Variants in SHROOM3 observed in about 807,000 individuals in gnomAD.
SHROOM3 encodes the protein protein Shroom3.
A neutral mutation model predicts 138.6 loss-of-function variants in SHROOM3; 47 were observed. The ratio of observed to expected loss-of-function variants is 0.34; its 90% confidence interval spans 0.27 to 0.43. The LOEUF (loss-of-function observed/expected upper bound fraction) is 0.43, where lower values mean the gene tolerates loss of function less well. Among genes scored for constraint, SHROOM3 ranks in the 20% least tolerant of loss-of-function variants. The probability of loss-of-function intolerance (pLI) is 1.00; values close to 1 mark genes in which losing one functional copy is unlikely to be tolerated. For synonymous variants in SHROOM3, 1,062 were observed against 1,063.3 expected, an observed-to-expected ratio of 1.00 and a Z score of 0.02; for missense variants, 2,491 against 2,596.5, an observed-to-expected ratio of 0.96 and a Z score of 0.88.
chr4:76,617,657 T>C (rs1734911943), intron 2 of SHROOM3, among the ~76,000 whole-genome samples: 1 of 152,228 alleles, frequency 6.6e-6, no homozygotes. Flanking sequence ...TTTTGGTTTG[T>C]TATTAAAGTT....
In SHROOM3 at chr4:76,608,643, TAGCATAGCATAGCATAGCATAGCAC is replaced by T. The variant is rs1260269524; in HGVS notation, c.323+52890_323+52914del. ...AGAGATGGTATAGCATAGCATAGCA[TAGCATAGCATAGCATAGCATAGCAC>T]AGCATAGCACAGCACAGCACAGCAC... On this transcript the variant is annotated intron_variant, in intron 2 of 10. Transcript: ENST00000296043. Among the ~76,000 whole-genome samples, 9 of 18,388 alleles carry T rather than the reference TAGCATAGCATAGCATAGCATAGCAC, an allele frequency of 4.9e-4. 1 individual carries two copies. Among genetic ancestry groups the T allele is most frequent in the South Asian group, 9.6e-3 (2 of 208 alleles). 12.1% of individuals were successfully genotyped at this position (18,388 alleles called of 152,430 possible).
rs1477523828 is a variant in SHROOM3 at position 76,664,806 on chromosome 4, T to C, written c.324-45350T>C. Among the ~76,000 whole-genome samples the C allele has an allele frequency of 6.6e-6, 1 of 152,178 alleles. No individual in the cohort carries two copies. Among genetic ancestry groups the C allele is most frequent in the Non-Finnish European group, 1.5e-5 (1 of 68,026 alleles). On this transcript the variant is annotated intron_variant, in intron 2 of 10. Coordinates refer to ENST00000296043, the MANE Select transcript of SHROOM3 (RefSeq NM_020859.4). The surrounding 1 kb of genome is among the most constrained non-coding windows in gnomAD (Gnocchi z 4.2). ...TGCAAAACTGAAACTCTATACACACTAAAAACTCCATTTCCCTCTTCCACA... is the reference window on the plus strand; with the variant it reads ...TGCAAAACTGAAACTCTATACACACCAAAAACTCCATTTCCCTCTTCCACA...
At chr4:76,707,415 T>C (rs1720089137) in intron 2 of SHROOM3, among the ~76,000 whole-genome samples, 1 of 152,204 alleles carries the variant, frequency 6.6e-6, no homozygotes, top group African/African-American at 2.4e-5. Flanking sequence ...CATAAAAAAG[T>C]TGTGGGAATA....
intron 1 of SHROOM3, among the ~76,000 whole-genome samples, chr4:76,483,451 C>T (rs1049961102): frequency 1.3e-5 from 2 of 152,152 alleles, no homozygotes; most frequent in South Asian, 2.1e-4. Flanking sequence ...AATGAGATAC[C>T]GTGTCATGCC....
chr4:76,759,717 C>T (rs1250542432), intron 9 of SHROOM3, 22 bp downstream of exon 9: 3 of 1,608,452 alleles, frequency 1.9e-6, no homozygotes, highest in Admixed American at 1.7e-5. Context: ...ATGGGATGCC[C>T]TTGTTCAGCT....
chr4:76,630,120 T>G (rs1212500750), intron 2 of SHROOM3, among the ~76,000 whole-genome samples: 1 of 152,164 alleles, frequency 6.6e-6, no homozygotes, highest in Non-Finnish European at 1.5e-5. Context: ...TTAGTTTCAT[T>G]GTTTTGTATT....
intron 1 of SHROOM3, among the ~76,000 whole-genome samples, chr4:76,446,579 A>T (rs566060476): frequency 2.2e-4 from 33 of 152,296 alleles, no homozygotes; most frequent in African/African-American, 7.7e-4. Flanking sequence ...AGGCCATGAA[A>T]AAACCTCAAC....
chr4:76,670,708 C>T lies in SHROOM3; in HGVS notation c.324-39448C>T, dbSNP rs140078257. On this transcript the variant is annotated intron_variant, in intron 2 of 10. Coordinates refer to ENST00000296043, the MANE Select transcript of SHROOM3 (RefSeq NM_020859.4). ...GTGGCACATGCCTGTAATCCTAGCA[C>T]TTTGGGAGGCCAAGGCGGGTGGATC... Among the ~76,000 whole-genome samples the T allele has an allele frequency of 6.8e-3, 1,029 of 152,286 alleles. 7 individuals are homozygous for T. The highest frequency in any genetic ancestry group is 0.023 in the African/African-American group (962 of 41,542).
intron 2 of SHROOM3, among the ~76,000 whole-genome samples, chr4:76,661,475 C>A (rs1429863174): frequency 1.3e-5 from 2 of 152,096 alleles, no homozygotes; most frequent in African/African-American, 4.8e-5. Context: ...CATGATCCGC[C>A]CACCTCGGCC....
chr4:76,523,764 G>A (rs559713521), intron 1 of SHROOM3, among the ~76,000 whole-genome samples: 5 of 152,274 alleles, frequency 3.3e-5, no homozygotes, highest in Admixed American at 6.5e-5. Context: ...AGTGACAGCC[G>A]GTTGAACAGA....
chr4:76,493,603 C>A (rs1731900981), intron 1 of SHROOM3, among the ~76,000 whole-genome samples: 1 of 152,148 alleles, frequency 6.6e-6, no homozygotes, highest in Admixed American at 6.5e-5. Context: ...AGGACGAGAA[C>A]CCTCCCTCCT....
chr4:76,707,984 C>T (rs1199774263), intron 2 of SHROOM3, among the ~76,000 whole-genome samples: 1 of 151,946 alleles, frequency 6.6e-6, no homozygotes, highest in Non-Finnish European at 1.5e-5. Context: ...GCCAACCCAT[C>T]CAGGGCAGGA....
In SHROOM3 at chr4:76,755,186, G is replaced by A. The variant is rs1404367795; in HGVS notation, c.4703G>A (p.Arg1568His). The A allele has an allele frequency of 9.3e-6, 15 of 1,613,348 alleles. No individual in the cohort carries two copies. Among genetic ancestry groups the A allele is most frequent in the South Asian group, 4.4e-5 (4 of 90,960 alleles). Residue 1568 changes from arginine (R) to histidine (H), a missense_variant, in exon 7 of 11, where the codon CGC (arginine) becomes CAC (histidine). By Grantham distance (29) the Arg-to-His change is conservative (BLOSUM62 0). Around this residue, in one of 4 missense-constraint regions of SHROOM3, gnomAD observed 470 missense variants for 595.0 expected, o/e 0.79. Coordinates refer to ENST00000296043, the MANE Select transcript of SHROOM3 (RefSeq NM_020859.4). ...GACAGTGAGGATCCCGAGGGGCCAC[G>A]CCCCAGGTGAGTGAGCAGACTGGGC... ...QLDSEDPEGP[R>H]PSFNKLSKVT...
In SHROOM3 at chr4:76,618,035, C is replaced by A. The variant is rs534754152; in HGVS notation, c.323+62272C>A. On this transcript the variant is annotated intron_variant, in intron 2 of 10. Transcript: ENST00000296043. Reference sequence around the variant, plus strand: ...ATAAGTGTGGCTGGGCGCAGTGGCTCACGCCTGTAATCCCAACACTTTGGG... The same window carrying A: ...ATAAGTGTGGCTGGGCGCAGTGGCTAACGCCTGTAATCCCAACACTTTGGG... Among the ~76,000 whole-genome samples, 171 of 152,356 alleles carry A rather than the reference C, an allele frequency of 1.1e-3. 1 individual carries two copies. Among genetic ancestry groups the A allele is most frequent in the African/African-American group, 4.0e-3 (165 of 41,582 alleles).
chr4:76,689,508 C>T, intron 2 of SHROOM3: 4 of 982,280 alleles, frequency 4.1e-6, no homozygotes, highest in Non-Finnish European at 3.6e-6. Flanking sequence ...GCTGCCCCGG[C>T]CCACCGTGCA....
Position 76,738,767 on chromosome 4 carries a change from T to C in SHROOM3, c.594T>C (p.Ser198=), listed in dbSNP as rs1274316334. ...TGCTTTGTCTTTCTTCCAGCTCCTCTACTAGTGACCTCTCCAACTATGACC... is the reference window on the plus strand; with the variant it reads ...TGCTTTGTCTTTCTTCCAGCTCCTCCACTAGTGACCTCTCCAACTATGACC... ...PWHQSYHSSS[S]TSDLSNYDHA... The change falls in exon 5 of 11, where the codon TCT becomes TCC. Residue 198 remains serine, a synonymous_variant. Coordinates refer to ENST00000296043, the MANE Select transcript of SHROOM3 (RefSeq NM_020859.4). The C allele has an allele frequency of 2.5e-6, 4 of 1,614,086 alleles. No homozygotes were observed. Among genetic ancestry groups the C allele is most frequent in the African/African-American group, 1.3e-5 (1 of 74,936 alleles).
chr4:76,509,985 T>G (rs1035001589), intron 1 of SHROOM3, among the ~76,000 whole-genome samples: 36 of 152,244 alleles, frequency 2.4e-4, no homozygotes, highest in African/African-American at 8.4e-4. Flanking sequence ...TATGAACACT[T>G]CCAATGTCAG....
In SHROOM3 at chr4:76,518,257, G is replaced by A. The variant is rs77006012; in HGVS notation, c.169-37352G>A. Among the ~76,000 whole-genome samples the A allele has an allele frequency of 9.2e-3, 1,394 of 152,166 alleles. 27 individuals carry two copies. Among genetic ancestry groups the A allele is most frequent in the East Asian group, 0.078 (406 of 5,182 alleles). On this transcript the variant is annotated intron_variant, in intron 1 of 10. Transcript: ENST00000296043. The stretch of plus-strand genomic sequence containing the variant: ...AGGTTCAAACCTCTATAATTCTTTA[G>A]GCATTTAACCCCCCAAGAGCAGGGA...
chr4:76,491,622 T>C (rs1731851726), intron 1 of SHROOM3, among the ~76,000 whole-genome samples: 1 of 152,128 alleles, frequency 6.6e-6, no homozygotes, highest in Non-Finnish European at 1.5e-5. Context: ...CTGCAGCCAT[T>C]TTGCAGTCTT....
Sources: gnomAD v4.1 joint callset for allele counts (sites outside exome capture counted in the v4.1 genomes callset) on GRCh38, gnomAD v4.1.1 for gene constraint, gnomAD v4.1.1 regional missense constraint, Gnocchi (gnomAD v3.1) non-coding constraint, MANE v1.5 for transcripts, NCBI Gene and HGNC (gene_info 2026-07-23, HGNC 2026-07-21) for gene names.